Variants in EYS observed in about 807,000 individuals in gnomAD.
EYS encodes EGF-like photoreceptor maintenance factor, also known as protein eyes shut homolog.
Under a neutral mutation model 282.1 loss-of-function variants are expected in EYS, and 250 were observed. That is an observed-to-expected ratio of 0.89 (90% CI 0.80 to 0.98). The LOEUF (loss-of-function observed/expected upper bound fraction) is 0.98, where lower values mean the gene tolerates loss of function less well. Ranked by LOEUF, EYS falls within the 50% of genes least tolerant of loss-of-function variation. The probability of loss-of-function intolerance (pLI) is 0.00; values close to 1 mark genes in which losing one functional copy is unlikely to be tolerated. For missense variants in EYS, 4,016 were observed against 3,709.0 expected (o/e 1.08, Z -2.15); for synonymous variants, 1,355 against 1,282.9 (o/e 1.06, Z -1.20).
intron 41 of EYS, among the ~76,000 whole-genome samples, chr6:63,729,018 T>G (rs1371531301): frequency 6.6e-6 from 1 of 152,154 alleles, no homozygotes; most frequent in African/African-American, 2.4e-5. Flanking sequence ...GGGTTTTAGC[T>G]ATTCGAAAAA....
chr6:64,757,744 T>TGTGTG (rs1772996807), intron 22 of EYS, among the ~76,000 whole-genome samples: 1,574 of 139,900 alleles, frequency 0.011, 12 homozygotes, highest in Non-Finnish European at 0.017. Context: ...CTTTTTTTCT[T>TGTGTG]TGTGTGTGTG....
intron 2 of EYS, among the ~76,000 whole-genome samples, chr6:65,620,807 T>A (rs1766448920): frequency 6.6e-6 from 1 of 152,180 alleles, no homozygotes; most frequent in Admixed American, 6.5e-5. Context: ...CATTTTGTTA[T>A]GTACCCAGTA....
At chr6:64,606,604 A>G (rs1766944908) in intron 24 of EYS, among the ~76,000 whole-genome samples, 1 of 152,106 alleles carries the variant, frequency 6.6e-6, no homozygotes, top group South Asian at 2.1e-4. Context: ...TCTTCATTTT[A>G]GAACATTAAG....
intron 12 of EYS, among the ~76,000 whole-genome samples, chr6:65,290,101 C>T (rs184381713): frequency 2.0e-5 from 3 of 150,930 alleles, no homozygotes; most frequent in African/African-American, 7.3e-5. Flanking sequence ...AAGCAATACC[C>T]AAAGTATTTG....
At chr6:64,454,055 T>C (rs1377183273) in intron 26 of EYS, among the ~76,000 whole-genome samples, 1 of 152,126 alleles carries the variant, frequency 6.6e-6, no homozygotes, top group Non-Finnish European at 1.5e-5. Flanking sequence ...CAAAACTGTT[T>C]AGCATTCACT....
chr6:65,527,030 C>A (rs776728034), intron 2 of EYS, among the ~76,000 whole-genome samples: 9 of 152,054 alleles, frequency 5.9e-5, no homozygotes, highest in Non-Finnish European at 1.3e-4. Context: ...AAAGGTTAAG[C>A]AATTTTCTCC....
At chr6:64,886,110 C>T (rs1562242775) in intron 19 of EYS, among the ~76,000 whole-genome samples, 1 of 151,676 alleles carries the variant, frequency 6.6e-6, no homozygotes, top group African/African-American at 2.4e-5. Context: ...TACTAGTATG[C>T]CAAAACTAAA....
intron 26 of EYS, among the ~76,000 whole-genome samples, chr6:64,557,740 G>A (rs893458745): frequency 1.3e-5 from 2 of 151,862 alleles, no homozygotes; most frequent in African/African-American, 2.4e-5. Context: ...TTTATTATAG[G>A]GGTCAGCAAA....
At chr6:64,309,255 A>G (rs1769580593) in intron 29 of EYS, among the ~76,000 whole-genome samples, 1 of 152,180 alleles carries the variant, frequency 6.6e-6, no homozygotes, top group Non-Finnish European at 1.5e-5. Context: ...TAAACACATT[A>G]AAGAGCCATG....
At chr6:64,480,498 G>A (rs1776406720) in intron 26 of EYS, among the ~76,000 whole-genome samples, 1 of 151,766 alleles carries the variant, frequency 6.6e-6, no homozygotes, top group Non-Finnish European at 1.5e-5. Context: ...TAATCTTTGT[G>A]CGATGTTAGA....
chr6:65,595,617 C>CA (rs2149787099), intron 2 of EYS, among the ~76,000 whole-genome samples: 1 of 148,636 alleles, frequency 6.7e-6, no homozygotes, highest in East Asian at 2.0e-4. Flanking sequence ...ATACCTAGGA[C>CA]ATAAAGCGTC....
At chr6:64,217,977 T>TTGTAGGAATCTCTCTGTTGC (rs1765985147) in intron 31 of EYS, among the ~76,000 whole-genome samples, 3 of 152,168 alleles carry the variant, frequency 2.0e-5, no homozygotes, top group African/African-American at 7.2e-5. Context: ...ATCTCTGTTG[T>TTGTAGGAATCTCTCTGTTGC]TGTAGGAATC....
intron 35 of EYS, among the ~76,000 whole-genome samples, chr6:63,901,324 TA>T (rs2149731469): frequency 6.6e-6 from 1 of 152,264 alleles, no homozygotes; most frequent in Non-Finnish European, 1.5e-5. Flanking sequence ...AGAGATTATC[TA>T]AACTGAAGAA....
chr6:65,289,109 T>A (rs1368115682), intron 12 of EYS, among the ~76,000 whole-genome samples: 3 of 150,884 alleles, frequency 2.0e-5, no homozygotes, highest in Non-Finnish European at 4.5e-5. Context: ...AGGTGAAGTC[T>A]CCAAATAAAA....
At chr6:64,828,943 T>G (rs1382295746) in intron 19 of EYS, among the ~76,000 whole-genome samples, 1 of 151,984 alleles carries the variant, frequency 6.6e-6, no homozygotes, top group Non-Finnish European at 1.5e-5. Context: ...ATTAAGAGGT[T>G]ACCCAAGAAG....
chr6:64,553,754 G>C (rs1162975672), intron 26 of EYS, among the ~76,000 whole-genome samples: 2 of 151,932 alleles, frequency 1.3e-5, no homozygotes, highest in Non-Finnish European at 2.9e-5. Context: ...TTACAGCTTT[G>C]TAATTGGTCA....
chr6:64,318,019 G>A (rs1190982815), intron 29 of EYS, among the ~76,000 whole-genome samples: 2 of 151,208 alleles, frequency 1.3e-5, no homozygotes, highest in Non-Finnish European at 2.9e-5. Context: ...CACACACCAG[G>A]GCTTGTCAGG....
At chr6:64,200,710 C>A (rs1361022646) in intron 31 of EYS, among the ~76,000 whole-genome samples, 1 of 152,036 alleles carries the variant, frequency 6.6e-6, no homozygotes, top group Non-Finnish European at 1.5e-5. Flanking sequence ...GAAGGTTAAG[C>A]TTCAGGGCTC....
At chr6:65,343,832 A>G (rs1770288422) in intron 10 of EYS, among the ~76,000 whole-genome samples, 1 of 151,542 alleles carries the variant, frequency 6.6e-6, no homozygotes, top group Non-Finnish European at 1.5e-5. Context: ...CAAAATTTTT[A>G]CTTTCCCATA....
Sources: gnomAD v4.1 joint callset for allele counts (sites outside exome capture counted in the v4.1 genomes callset) on GRCh38, gnomAD v4.1.1 for gene constraint, MANE v1.5 for transcripts, NCBI Gene and HGNC (gene_info 2026-07-23, HGNC 2026-07-21) for gene names.